The following RANBP17 variants were observed in gnomAD, a reference collection of about 807,000 sequenced individuals.
The protein encoded by RANBP17 is RAN binding protein 17, also known as ran-binding protein 17.
Under a neutral mutation model 141.2 loss-of-function variants are expected in RANBP17, and 158 were observed. That is an observed-to-expected ratio of 1.12 (90% CI 0.98 to 1.28). RANBP17 has a LOEUF of 1.28. RANBP17 is among the 50% of genes most tolerant of loss of function. The pLI is 0.00. For missense variants in RANBP17, 1,438 were observed against 1,290.7 expected (o/e 1.11, Z -1.75); for synonymous variants, 430 against 450.0 (o/e 0.96, Z 0.56).
intron 14 of RANBP17, among the ~76,000 whole-genome samples, chr5:170,979,896 GA>G (rs1777641632): frequency 6.6e-6 from 1 of 152,218 alleles, no homozygotes; most frequent in African/African-American, 2.4e-5. Flanking sequence ...GTAACAGGCA[GA>G]GGTTGGAACA....
At chr5:171,038,013 A>G (rs561682784) in intron 14 of RANBP17, among the ~76,000 whole-genome samples, 2 of 152,248 alleles carry the variant, frequency 1.3e-5, no homozygotes, top group South Asian at 4.2e-4. Flanking sequence ...TGCTTTGGAC[A>G]GTGTGGCCAT....
chr5:171,121,832 C>T (rs1756058984), intron 14 of RANBP17, among the ~76,000 whole-genome samples: 1 of 152,194 alleles, frequency 6.6e-6, no homozygotes, highest in Non-Finnish European at 1.5e-5. Flanking sequence ...ACCACACCCC[C>T]ACCCCTGCCA....
intron 5 of RANBP17, chr5:170,904,257 T>G (rs1561874324): frequency 3.8e-6 from 1 of 264,888 alleles, no homozygotes. Flanking sequence ...CCCACATTCA[T>G]GGAAATGAAA....
intron 12 of RANBP17, among the ~76,000 whole-genome samples, chr5:170,925,213 C>G (rs1464169400): frequency 6.6e-6 from 1 of 152,086 alleles, no homozygotes; most frequent in African/African-American, 2.4e-5. Flanking sequence ...AGTAAGAGAT[C>G]ATAATCAAAT....
At chr5:171,006,327 C>T (rs1372058593) in intron 14 of RANBP17, among the ~76,000 whole-genome samples, 1 of 152,100 alleles carries the variant, frequency 6.6e-6, no homozygotes, top group Non-Finnish European at 1.5e-5. Context: ...TTCACAATAG[C>T]AAAGACTTGG....
chr5:171,066,972 T>C (rs1267340802), intron 14 of RANBP17, among the ~76,000 whole-genome samples: 1 of 152,190 alleles, frequency 6.6e-6, no homozygotes, highest in East Asian at 1.9e-4. Context: ...CCATTGCCTT[T>C]TAATTGGTGA....
chr5:171,120,253 G>T (rs927113403), intron 14 of RANBP17, among the ~76,000 whole-genome samples: 6 of 152,178 alleles, frequency 3.9e-5, no homozygotes, highest in African/African-American at 1.4e-4. Flanking sequence ...GAACTGCTCT[G>T]GGTCAGACTT....
chr5:171,206,944 C>CT (rs1298624423), intron 20 of RANBP17: 1 of 182,110 alleles, frequency 5.5e-6, no homozygotes, highest in Non-Finnish European at 1.2e-5. Flanking sequence ...TTAAAATTCT[C>CT]TTAACAGTGA....
intron 14 of RANBP17, among the ~76,000 whole-genome samples, chr5:171,122,634 C>T (rs946677371): frequency 6.6e-6 from 1 of 152,190 alleles, no homozygotes; most frequent in African/African-American, 2.4e-5. Flanking sequence ...CCTAACAGTC[C>T]ATGTTCCCAC....
At chr5:170,987,869 T>TAA (rs1392151960) in intron 14 of RANBP17, among the ~76,000 whole-genome samples, 6 of 151,698 alleles carry the variant, frequency 4.0e-5, no homozygotes, top group Admixed American at 6.6e-5. Flanking sequence ...GTTAGAGAAA[T>TAA]ACAGGAAGTA....
At chr5:171,292,892 A>G (rs1203905815) in intron 25 of RANBP17, among the ~76,000 whole-genome samples, 1 of 152,122 alleles carries the variant, frequency 6.6e-6, no homozygotes, top group Non-Finnish European at 1.5e-5. Context: ...ACATATCACT[A>G]GCTCCCCACT....
At chr5:170,991,059 TATATC>T (rs1336474777) in intron 14 of RANBP17, among the ~76,000 whole-genome samples, 3 of 151,980 alleles carry the variant, frequency 2.0e-5, no homozygotes, top group African/African-American at 7.2e-5. Context: ...AATGGATAGT[TATATC>T]AACAATAAAT....
intron 18 of RANBP17, among the ~76,000 whole-genome samples, chr5:171,190,928 T>C (rs189442912): frequency 9.8e-5 from 15 of 152,352 alleles, no homozygotes; most frequent in Admixed American, 8.5e-4. Context: ...TTGCATCTTA[T>C]GTTGTACTAC....
At chr5:170,890,971 G>C (rs1470192025) in intron 3 of RANBP17, among the ~76,000 whole-genome samples, 1 of 152,130 alleles carries the variant, frequency 6.6e-6, no homozygotes, top group Admixed American at 6.5e-5. Flanking sequence ...GACTGTAGGC[G>C]CATGTCACAA....
chr5:171,176,417 A>C (rs546531037), intron 16 of RANBP17, among the ~76,000 whole-genome samples: 31 of 152,252 alleles, frequency 2.0e-4, no homozygotes, highest in Admixed American at 1.7e-3. Context: ...TTCCATACTC[A>C]TCTTGAATCT....
chr5:171,102,357 G>C (rs988064453), intron 14 of RANBP17, among the ~76,000 whole-genome samples: 5 of 151,736 alleles, frequency 3.3e-5, no homozygotes, highest in African/African-American at 1.2e-4. Flanking sequence ...TTCAGTCTCT[G>C]ATATCCTTTC....
intron 14 of RANBP17, among the ~76,000 whole-genome samples, chr5:171,027,082 C>G (rs1781280530): frequency 6.6e-6 from 1 of 152,134 alleles, no homozygotes. Flanking sequence ...CTGAAGCTCC[C>G]CCACTATCCG....
chr5:171,171,348 A>G (rs1760087223), intron 16 of RANBP17, 62 bp downstream of exon 16: 1 of 906,106 alleles, frequency 1.1e-6, no homozygotes, highest in South Asian at 1.8e-5. Context: ...CATTTAATTA[A>G]CCAGGTATTC....
In RANBP17 at chr5:171,170,131, T is replaced by C. The variant is rs748177212; in HGVS notation, c.1712T>C (p.Val571Ala). ...VGDQLQRTSKVYARMSEVLGI... is the reference protein window; with the variant it reads ...VGDQLQRTSKAYARMSEVLGI... ...TAACAATGAAATGTTTTAATGCAGG[T>C]ATATGCTCGTATGTCAGAAGTCTTA... Residue 571 changes from valine to alanine, a missense_variant and splice_region_variant, in exon 15 of 28, where the codon GTA becomes GCA. Coordinates refer to ENST00000523189, the MANE Select transcript of RANBP17 (RefSeq NM_022897.5). 10 of 1,541,990 alleles carry C rather than the reference T, an allele frequency of 6.5e-6. No individual in the cohort carries two copies. Among genetic ancestry groups the C allele is most frequent in the Non-Finnish European group, 8.9e-6 (10 of 1,128,840 alleles).
Sources: allele counts gnomAD v4.1 joint callset (sites outside exome capture counted in the v4.1 genomes callset), GRCh38; gene constraint gnomAD v4.1.1; transcripts MANE v1.5; gene names NCBI Gene and HGNC (gene_info 2026-07-23, HGNC 2026-07-21).